Variants in MVD observed in about 807,000 individuals in gnomAD.
MVD encodes the protein diphosphomevalonate decarboxylase.
A neutral mutation model predicts 42.4 loss-of-function variants in MVD; 52 were observed. The ratio of observed to expected loss-of-function variants is 1.23; its 90% CI spans 0.98 to 1.55. The LOEUF (loss-of-function observed/expected upper bound fraction) is 1.55, where lower values mean the gene tolerates loss of function less well. Ranked by LOEUF, MVD falls within the 40% of genes most tolerant of loss-of-function variation. The pLI, the probability that MVD is intolerant of heterozygous loss-of-function variation, is 0.00. For synonymous variants in MVD, 287 were observed against 243.2 expected, an observed-to-expected ratio of 1.18 and a Z score of -1.68; for missense variants, 663 against 572.1, an observed-to-expected ratio of 1.16 and a Z score of -1.62.
Position 88,652,097 on chromosome 16 carries a change from G to A in MVD, c.*428C>T, listed in dbSNP as rs994116261. The A allele has an allele frequency of 4.2e-5, 10 of 235,600 alleles. No individual in the cohort carries two copies. The highest frequency in any genetic ancestry group is 3.1e-4 in the Admixed American group (6 of 19,112). 14.6% of individuals were successfully genotyped at this position (235,600 alleles called of 1,614,324 possible). A position where few individuals can be genotyped will look rare whatever the true frequency, so the allele number is the denominator to read the frequency against. ...GAAGCGCCGTGGGCAGCCACCATCC[G>A]AGGCACTTGGTGGTTTCCTGAGGCC... On this transcript the variant is annotated 3_prime_UTR_variant, in exon 10 of 10. Coordinates refer to ENST00000301012, the MANE Select transcript of MVD (RefSeq NM_002461.3).
intron 4 of MVD, chr16:88,657,139 G>GT: frequency 5.0e-6 from 3 of 601,808 alleles, no homozygotes; most frequent in Non-Finnish European, 3.1e-6. Flanking sequence ...ATGGGGGGGG[G>GT]TCTCACTATG....
chr16:88,652,760 A>C (rs1449499559), intron 9 of MVD, among the ~76,000 whole-genome samples, 155 bp from the exon 10 acceptor site: 1 of 152,170 alleles, frequency 6.6e-6, no homozygotes, highest in East Asian at 1.9e-4. Context: ...TGACACCCAC[A>C]CGCAGCTCCT....
In MVD at chr16:88,653,413, A is replaced by T. The variant is rs1236119464; in HGVS notation, c.1014-5T>A. 1.2e-6 allele frequency: 2 copies of T among 1,605,160 alleles called. No individual in the cohort carries two copies. The highest frequency in any genetic ancestry group is 2.2e-5 in the South Asian group (2 of 90,150). The stretch of plus-strand genomic sequence containing the variant: ...ACCTGCAGCCCCTTCAGAAACCTGG[A>T]AAAGCAGGGCAGGGGCACGGTGAAT... On this transcript the variant is annotated splice_region_variant and splice_polypyrimidine_tract_variant and intron_variant, in intron 8 of 9. Coordinates refer to ENST00000301012, the MANE Select transcript of MVD (RefSeq NM_002461.3).
At chr16:88,655,016 G>T in intron 7 of MVD, 183 bp downstream of exon 7, 1 of 915,506 alleles carries the variant, frequency 1.1e-6, no homozygotes, top group Non-Finnish European at 1.6e-6. Flanking sequence ...CGTGACCCGG[G>T]CAAGTCAAGA....
chr16:88,662,598 G>C (rs1908376394), intron 1 of MVD: 2 of 995,400 alleles, frequency 2.0e-6, no homozygotes, highest in Admixed American at 4.5e-5. Flanking sequence ...TGGGGGAGCA[G>C]TGGCGCGATT....
intron 1 of MVD, among the ~76,000 whole-genome samples, chr16:88,659,561 G>T (rs144966224): frequency 1.1e-3 from 161 of 152,306 alleles, no homozygotes; most frequent in Admixed American, 1.8e-3. Flanking sequence ...TGCAGGGGGA[G>T]CCCGGGGCTT....
chr16:88,654,798 T>C lies in MVD; in HGVS notation c.907A>G (p.Thr303Ala). Residue 303 changes from threonine (T) to alanine (A), a missense_variant, in exon 8 of 10, where the codon ACC becomes GCC. Physicochemically the swap from Thr to Ala is moderately conservative, Grantham distance 58. Coordinates refer to ENST00000301012, the MANE Select transcript of MVD (RefSeq NM_002461.3). ...ACGGCATTGGGGCCCGCGTCAAAGG[T>C]GTACGCCACCTGGAACCCACAGCAG... ...AHHGDTKVAYTFDAGPNAVIF... is the reference protein window; with the variant it reads ...AHHGDTKVAYAFDAGPNAVIF... 6.4e-7 allele frequency: 1 copy of C among 1,566,408 alleles called. No individual in the cohort carries two copies. Among genetic ancestry groups the C allele is most frequent in the Non-Finnish European group, 8.6e-7 (1 of 1,158,462 alleles).
chr16:88,658,072 G>T, intron 2 of MVD, 43 bp from the exon 3 acceptor site: 2 of 1,578,082 alleles, frequency 1.3e-6, no homozygotes, highest in South Asian at 1.1e-5. Context: ...CAGCATTGAG[G>T]ACCGATGCCA....
intron 1 of MVD, chr16:88,659,090 C>A (rs1908127713): frequency 1.0e-5 from 3 of 297,160 alleles, no homozygotes; most frequent in South Asian, 7.0e-5. Flanking sequence ...TCTCACTGCT[C>A]ATATGCCCCA....
chr16:88,655,111 G>C, intron 7 of MVD, 88 bp downstream of exon 7: 1 of 1,430,282 alleles, frequency 7.0e-7, no homozygotes, highest in Non-Finnish European at 9.5e-7. Flanking sequence ...TGCCCTGCAC[G>C]CGAGCCCCGG....
At chr16:88,662,776 G>A in intron 1 of MVD, 2 of 1,485,320 alleles carry the variant, frequency 1.3e-6, no homozygotes, top group Non-Finnish European at 1.8e-6. Flanking sequence ...CAGGCGCCGG[G>A]CGACCCTGCA....
chr16:88,658,859 T>A, intron 1 of MVD, 139 bp from the exon 2 acceptor site: 1 of 635,238 alleles, frequency 1.6e-6, no homozygotes, highest in Non-Finnish European at 2.7e-6. Flanking sequence ...TGTGTGCCCC[T>A]CCTCCTGCCA....
In MVD at chr16:88,655,367, G is replaced by A; in HGVS notation, c.729C>T (p.Cys243=). 5 of 1,599,652 alleles carry A rather than the reference G, an allele frequency of 3.1e-6. No homozygotes were observed. The highest frequency in any genetic ancestry group is 2.3e-5 in the East Asian group (1 of 44,168). Residue 243 remains cysteine, a synonymous_variant, in exon 7 of 10, where the codon TGC becomes TGT. Coordinates refer to ENST00000301012, the MANE Select transcript of MVD (RefSeq NM_002461.3). ...VPARMAEMAR[C]IRERDFPSFA... is the part of the protein sequence containing the mutation. ...AGCTGGGGAAGTCTCGCTCCCGGAT[G>A]CAGCGGGCCATCTCCGCCATGCGCG...
chr16:88,653,869 C>T (rs1054898153), intron 8 of MVD, among the ~76,000 whole-genome samples: 20 of 152,158 alleles, frequency 1.3e-4, no homozygotes, highest in East Asian at 7.7e-4. Context: ...GCTTCCCAGG[C>T]GGGCAGTCCT....
rs1303304924 is a variant in MVD at position 88,657,955 on chromosome 16, C to T, written c.216G>A (p.Glu72=). 6.2e-7 allele frequency: 1 copy of T among 1,613,894 alleles called. No individual in the cohort carries two copies. Among genetic ancestry groups the T allele is most frequent in the Admixed American group, 1.7e-5 (1 of 60,032 alleles). ...CCTGCAGCCGCGGCTGCCCCACATC[C>T]TCCTCCCGGCCATTCAGCCAAATCC... ...EDRIWLNGRE[E]DVGQPRLQAC... The change falls in exon 3 of 10, where the codon GAG becomes GAA. Residue 72 remains glutamate (E), a synonymous_variant. Transcript: ENST00000301012.
chr16:88,655,166 G>T (rs773923151), intron 7 of MVD, 33 bp downstream of exon 7: 7 of 1,547,636 alleles, frequency 4.5e-6, no homozygotes, highest in South Asian at 2.4e-5. Flanking sequence ...GCTACAGCGC[G>T]AGCGCAGCCT....
Position 88,654,803 on chromosome 16 carries a change from G to A in MVD, c.902C>T (p.Ala301Val), listed in dbSNP as rs754060502. 24 of 1,570,976 alleles carry A rather than the reference G, an allele frequency of 1.5e-5. No homozygotes were observed. In the East Asian group the frequency reaches 2.5e-4, roughly 17 times the overall value. The change falls in exon 8 of 10, where the codon GCG becomes GTG. Residue 301 changes from alanine (A) to valine (V), a missense_variant. Ala to Val is a moderately conservative substitution (Grantham distance 64). Transcript: ENST00000301012. ...ATTGGGGCCCGCGTCAAAGGTGTAC[G>A]CCACCTGGAACCCACAGCAGTCACC... ...FNAHHGDTKV[A>V]YTFDAGPNAV...
At position 88,655,579 on chromosome 16, in the gene MVD, C is replaced by T. The variant is rs565942560; in HGVS notation, c.678+77G>A. 4.0e-4 allele frequency: 607 copies of T among 1,530,190 alleles called. 9 individuals carry two copies. In the Middle Eastern group the frequency reaches 7.4e-3, roughly 19 times the overall value. The allele number at this position is 1,530,190 out of a possible 1,614,324, so 94.8% of individuals were successfully genotyped here. Reference sequence around the variant, plus strand: ...TGCCGCAGGTGTGAGAACACTCGGGCCCAGACAGAGGCTGAGGGCAGAGCC... The same window carrying T: ...TGCCGCAGGTGTGAGAACACTCGGGTCCAGACAGAGGCTGAGGGCAGAGCC... On this transcript the variant is annotated intron_variant, in intron 6 of 9. Coordinates refer to ENST00000301012, the MANE Select transcript of MVD (RefSeq NM_002461.3).
Position 88,655,228 on chromosome 16 carries a change from G to A in MVD, c.868C>T (p.Arg290Cys), listed in dbSNP as rs754592423. Residue 290 changes from arginine (R) to cysteine (C), a missense_variant, in exon 7 of 10, where the codon CGC becomes TGC. Arg to Cys is a radical substitution (Grantham distance 180, BLOSUM62 -3). Coordinates refer to ENST00000301012, the MANE Select transcript of MVD (RefSeq NM_002461.3). ...GTGTCCCCGTGGTGGGCGTTGAAGC[G>A]GTGCACCAGGTGGATGATGCGCCAG... ...ISWRIIHLVH[R>C]FNAHHGDTKV... The A allele has an allele frequency of 3.9e-5, 61 of 1,575,858 alleles. No homozygotes were observed. The highest frequency in any genetic ancestry group is 1.9e-4 in the Admixed American group (10 of 53,890).
Sources: gnomAD v4.1 joint callset for allele counts (sites outside exome capture counted in the v4.1 genomes callset) on GRCh38, gnomAD v4.1.1 for gene constraint, MANE v1.5 for transcripts, NCBI Gene and HGNC (gene_info 2026-07-23, HGNC 2026-07-21) for gene names.